IDS: variants seen among roughly 807,000 people sequenced by gnomAD.
IDS encodes the protein iduronate 2-sulfatase.
Under a neutral mutation model 33.5 loss-of-function variants are expected in IDS, and 1 was observed. The observed-to-expected ratio is 0.03, with a 90% confidence interval of 0.01 to 0.14. The LOEUF (loss-of-function observed/expected upper bound fraction) is 0.14, where lower values mean the gene tolerates loss of function less well. IDS is among the 10% of genes least tolerant of loss of function. The probability of loss-of-function intolerance (pLI) is 1.00; values close to 1 mark genes in which losing one functional copy is unlikely to be tolerated. For synonymous variants in IDS, 191 were observed against 184.4 expected (o/e 1.04, Z -0.29); for missense variants, 328 against 448.0 (o/e 0.73, Z 2.42).
chrX:149,484,026 C>T (rs138096603), intron 8 of IDS, among the ~76,000 whole-genome samples: 63 of 112,814 alleles, frequency 5.6e-4, no homozygotes, highest in African/African-American at 1.3e-3. Flanking sequence ...ATTGCATGGA[C>T]GGACCACATT....
intron 8 of IDS, among the ~76,000 whole-genome samples, chrX:149,484,529 C>T (rs1557337831): frequency 1.8e-5 from 2 of 112,480 alleles, no homozygotes; most frequent in Non-Finnish European, 3.8e-5. Flanking sequence ...TCCTTGTTGG[C>T]CAGGATGGTC....
In IDS at chrX:149,478,733, A is replaced by G. The variant is rs2124644702; in HGVS notation, c.*4013T>C. On this transcript the variant is annotated 3_prime_UTR_variant, in exon 9 of 9. Transcript: ENST00000340855. Reference sequence around the variant, plus strand: ...ATATATTACTCTGATAATGGGGTGGAGAGACACAGTAAGCATAAAACCAAA... The same window carrying G: ...ATATATTACTCTGATAATGGGGTGGGGAGACACAGTAAGCATAAAACCAAA... The G allele has an allele frequency of 8.9e-6, 1 of 112,500 alleles. No homozygotes were observed. The highest frequency in any genetic ancestry group is 3.7e-4 in the South Asian group (1 of 2,703). The allele number at this position is 112,500 out of a possible 1,213,427, so 9.3% of individuals were successfully genotyped here. A position where few individuals can be genotyped will look rare whatever the true frequency, so the allele number is the denominator to read the frequency against.
intron 7 of IDS, 130 bp from the exon 8 acceptor site, chrX:149,487,228 A>C (rs1243574016): frequency 8.3e-7 from 1 of 1,203,457 alleles, no homozygotes; most frequent in African/African-American, 1.7e-5. Context: ...TAGAAGAAAA[A>C]TATTCACTTG....
intron 6 of IDS, among the ~76,000 whole-genome samples, chrX:149,494,831 G>A (rs1557339128): frequency 8.9e-6 from 1 of 112,058 alleles, no homozygotes; most frequent in South Asian, 3.7e-4. Flanking sequence ...AACTCAGGGA[G>A]GCTCAGGGAG....
rs782007728 is a variant in IDS at position 149,498,258 on chromosome X, A to G, written c.557T>C (p.Val186Ala). 1.6e-5 allele frequency: 19 copies of G among 1,212,124 alleles called. No homozygotes were observed. The South Asian group carries it at 2.8e-4, about 18-fold the overall frequency. ...GCCCTCGGGAACATCCAGCACATCCACAGGGCAAAGCAGGTTGGCATGGAG... is the reference window on the plus strand; with the variant it reads ...GCCCTCGGGAACATCCAGCACATCCGCAGGGCAAAGCAGGTTGGCATGGAG... ...GELHANLLCPVDVLDVPEGTL... is the reference protein window; with the variant it reads ...GELHANLLCPADVLDVPEGTL... The change falls in exon 5 of 9, where the codon GTG becomes GCG. Residue 186 changes from valine (V) to alanine (A), a missense_variant. Physicochemically the swap from Val to Ala is moderately conservative, Grantham distance 64. Transcript: ENST00000340855.
At chrX:149,501,873 C>T (rs1315488139) in intron 3 of IDS, among the ~76,000 whole-genome samples, 2 of 111,834 alleles carry the variant, frequency 1.8e-5, no homozygotes, top group African/African-American at 6.5e-5. Context: ...ACAGCAAGCA[C>T]TGTGGAAAGA....
rs374066256 is a variant in IDS, at chrX:149,496,465, C to T, written c.760G>A (p.Glu254Lys). 1.1e-4 allele frequency: 134 copies of T among 1,209,461 alleles called. 1 individual carries two copies. Among genetic ancestry groups the T allele is most frequent in the Non-Finnish European group, 1.1e-4 (99 of 894,858 alleles). The part of the protein sequence containing the change: ...LENITLAPDP[E>K]VPDGLPPVAY... ...ACAGGGGGTAGGCCATCAGGGACCT[C>T]GGGATCGGGGGCCAGGGTGATGTTC... Residue 254 changes from glutamate to lysine, a missense_variant, in exon 6 of 9, where the codon GAG becomes AAG. Transcript: ENST00000340855.
chrX:149,502,654 T>C (rs1557340114), intron 3 of IDS: 1 of 123,642 alleles, frequency 8.1e-6, no homozygotes, highest in Non-Finnish European at 1.7e-5. Flanking sequence ...AATACTTTTT[T>C]CTCCATTTTT....
At chrX:149,492,183 G>T (rs2089398754) in intron 6 of IDS, among the ~76,000 whole-genome samples, 1 of 111,836 alleles carries the variant, frequency 8.9e-6, no homozygotes, top group African/African-American at 3.3e-5. Context: ...CAGGGTTATA[G>T]AACAGCTATT....
At chrX:149,502,978 C>T in intron 3 of IDS, 1 of 460,173 alleles carries the variant, frequency 2.2e-6, no homozygotes, top group Non-Finnish European at 3.7e-6. Flanking sequence ...TGACAGGTAC[C>T]CTGCAGGGGA....
At chrX:149,503,058 C>A in intron 3 of IDS, 1 of 1,056,458 alleles carries the variant, frequency 9.5e-7, no homozygotes, top group Non-Finnish European at 1.3e-6. Flanking sequence ...CCCTACCACC[C>A]GAGGAGCTGA....
In IDS at chrX:149,501,047, A is replaced by C. The variant is rs782082376; in HGVS notation, c.419-10T>G. 7 of 1,090,787 alleles carry C rather than the reference A, an allele frequency of 6.4e-6. No homozygotes were observed. In the African/African-American group the frequency reaches 1.1e-4, roughly 17 times the overall value. The allele number at this position is 1,090,787 out of a possible 1,213,427, so 89.9% of individuals were successfully genotyped here. A position where few individuals can be genotyped will look rare whatever the true frequency, so the allele number is the denominator to read the frequency against. Reference sequence around the variant, plus strand: ...TGGTTAGAAGATATCCCTTGGAAAAAAAAAAAGGTTGTTAAAACATGATGA... The same window carrying C: ...TGGTTAGAAGATATCCCTTGGAAAACAAAAAAGGTTGTTAAAACATGATGA... On this transcript the variant is annotated splice_polypyrimidine_tract_variant and intron_variant, in intron 3 of 8. Coordinates refer to ENST00000340855, the MANE Select transcript of IDS (RefSeq NM_000202.8).
Position 149,505,201 on chromosome X carries a change from AGCC to A in IDS, c.-67_-65del. 1.1e-5 allele frequency: 9 copies of A among 829,690 alleles called. No homozygotes were observed. The highest frequency in any genetic ancestry group is 1.4e-5 in the Non-Finnish European group (8 of 582,328). The allele number at this position is 829,690 out of a possible 1,213,427, so 68.4% of individuals were successfully genotyped here. On this transcript the variant is annotated 5_prime_UTR_variant, in exon 1 of 9. Transcript: ENST00000340855. ...GGCTGCAGCAGGTGGCGCAGTTAGCAGCCGCCGCCGCAGCCACAGAGACCTCCT... is the reference window on the plus strand; with the variant it reads ...GGCTGCAGCAGGTGGCGCAGTTAGCAGCCGCCGCAGCCACAGAGACCTCCT...
At chrX:149,486,893 G>A (rs1381499396) in intron 8 of IDS, 32 bp downstream of exon 8, 1 of 1,189,938 alleles carries the variant, frequency 8.4e-7, no homozygotes, top group African/African-American at 1.8e-5. Flanking sequence ...TGATCTTACT[G>A]TCAAGCAATA....
chrX:149,492,913 C>A (rs2089405259), intron 6 of IDS, among the ~76,000 whole-genome samples: 1 of 109,653 alleles, frequency 9.1e-6, no homozygotes. Flanking sequence ...TTGAGGAACC[C>A]AAGGGTGACT....
chrX:149,489,460 G>C (rs974158671), intron 7 of IDS, among the ~76,000 whole-genome samples: 2 of 112,386 alleles, frequency 1.8e-5, no homozygotes, highest in Non-Finnish European at 1.9e-5. Context: ...TGAGCAGGTG[G>C]GAGAAAAGGG....
intron 8 of IDS, among the ~76,000 whole-genome samples, chrX:149,484,056 T>C (rs189373347): frequency 8.4e-4 from 95 of 112,950 alleles, no homozygotes; most frequent in Middle Eastern, 4.6e-3. Context: ...CTTCTGTCAA[T>C]AGACATCTGA....
At position 149,482,782 on chromosome X, in the gene IDS, G is replaced by A. The variant is rs782717602; in HGVS notation, c.1617C>T (p.Ser539=). 3.3e-6 allele frequency: 4 copies of A among 1,211,553 alleles called. No homozygotes were observed. The highest frequency in any genetic ancestry group is 4.5e-6 in the Non-Finnish European group (4 of 895,499). ...PLQDHNMYND[S]QGGDLFQLLM... ...ACAACTGGAAAAGATCTCCACCTTG[G>A]GAATCATTATACATATTGTGATCCT... The change falls in exon 9 of 9, where the codon TCC becomes TCT. Residue 539 remains serine, a synonymous_variant. Coordinates refer to ENST00000340855, the MANE Select transcript of IDS (RefSeq NM_000202.8).
intron 7 of IDS, 45 bp from the exon 8 acceptor site, chrX:149,487,143 A>G: frequency 8.3e-7 from 1 of 1,210,596 alleles, no homozygotes; most frequent in Non-Finnish European, 1.1e-6. Context: ...AATAATCATC[A>G]TACCACAGCT....
Sources: allele counts gnomAD v4.1 joint callset (sites outside exome capture counted in the v4.1 genomes callset), GRCh38; gene constraint gnomAD v4.1.1; transcripts MANE v1.5; gene names NCBI Gene and HGNC (gene_info 2026-07-23, HGNC 2026-07-21).